SLC24A3: variants seen among roughly 807,000 people sequenced by gnomAD.
The protein encoded by SLC24A3 is sodium/potassium/calcium exchanger 3.
SLC24A3 carries 28 observed loss-of-function variants against 75.8 expected under a neutral mutation model. The ratio of observed to expected loss-of-function variants is 0.37; its 90% CI spans 0.27 to 0.51. The LOEUF (loss-of-function observed/expected upper bound fraction) is 0.51, where lower values mean the gene tolerates loss of function less well. Among genes scored for constraint, SLC24A3 ranks in the 20% least tolerant of loss-of-function variants. The pLI, the probability that SLC24A3 is intolerant of heterozygous loss-of-function variation, is 0.94. For missense variants in SLC24A3, 663 were observed against 847.8 expected (o/e 0.78, Z 2.71); for synonymous variants, 372 against 334.1 (o/e 1.11, Z -1.24).
chr20:19,292,897 T>C (rs922112631), intron 2 of SLC24A3, among the ~76,000 whole-genome samples: 2 of 152,216 alleles, frequency 1.3e-5, no homozygotes, highest in Non-Finnish European at 2.9e-5. Context: ...GCCTTCTTAC[T>C]CTGTCCTCAC....
At chr20:19,516,159 T>C (rs8184418) in intron 3 of SLC24A3, among the ~76,000 whole-genome samples, 1 of 152,216 alleles carries the variant, frequency 6.6e-6, no homozygotes, top group Non-Finnish European at 1.5e-5. Flanking sequence ...AAGCTTGTTC[T>C]GTTCCCATCT....
chr20:19,472,876 C>A (rs1482910433), intron 2 of SLC24A3, among the ~76,000 whole-genome samples: 1 of 152,236 alleles, frequency 6.6e-6, no homozygotes, highest in African/African-American at 2.4e-5. Context: ...CAGGGTTCCC[C>A]TGCGGCTGCA....
chr20:19,292,432 A>G (rs996473519), intron 2 of SLC24A3, among the ~76,000 whole-genome samples: 1 of 152,220 alleles, frequency 6.6e-6, no homozygotes, highest in Non-Finnish European at 1.5e-5. Flanking sequence ...GGCGGAAAGT[A>G]AAAATAGTCT....
intron 2 of SLC24A3, among the ~76,000 whole-genome samples, chr20:19,315,092 C>A (rs958064470): frequency 2.6e-5 from 4 of 152,190 alleles, no homozygotes; most frequent in African/African-American, 9.7e-5. Context: ...CCCATCTGCT[C>A]TGTTTCTGCT....
At chr20:19,386,651 T>C (rs879700406) in intron 2 of SLC24A3, among the ~76,000 whole-genome samples, 1 of 152,224 alleles carries the variant, frequency 6.6e-6, no homozygotes, top group African/African-American at 2.4e-5. Flanking sequence ...CAAATGCTTT[T>C]TGGCATCTAT....
chr20:19,507,924 G>A (rs139408793), intron 2 of SLC24A3, among the ~76,000 whole-genome samples: 65 of 152,314 alleles, frequency 4.3e-4, no homozygotes, highest in African/African-American at 1.5e-3. Context: ...TCCCAGCCTG[G>A]TGGGTGCTGA....
At chr20:19,490,655 G>C (rs1431520560) in intron 2 of SLC24A3, among the ~76,000 whole-genome samples, 2 of 152,182 alleles carry the variant, frequency 1.3e-5, no homozygotes. Context: ...AGACACTCTA[G>C]TGTTAAAAAA....
intron 1 of SLC24A3, among the ~76,000 whole-genome samples, chr20:19,255,470 T>A (rs1982787127): frequency 6.6e-6 from 1 of 152,244 alleles, no homozygotes; most frequent in South Asian, 2.1e-4. Context: ...TTTAGCCAGA[T>A]GGATTTCCAT....
intron 2 of SLC24A3, among the ~76,000 whole-genome samples, chr20:19,465,379 G>A (rs567060424): frequency 1.8e-5 from 2 of 110,750 alleles, no homozygotes; most frequent in Non-Finnish European, 3.8e-5. Flanking sequence ...CAGGGCTGGA[G>A]AATTTTTTTT....
At chr20:19,671,315 A>G (rs570078161) in intron 8 of SLC24A3, among the ~76,000 whole-genome samples, 96 of 152,318 alleles carry the variant, frequency 6.3e-4, no homozygotes, top group Non-Finnish European at 7.3e-4. Context: ...CAACATGGAG[A>G]CAGAAGAAAA....
intron 1 of SLC24A3, among the ~76,000 whole-genome samples, chr20:19,220,886 A>G (rs911554028): frequency 2.2e-4 from 33 of 152,192 alleles, no homozygotes; most frequent in African/African-American, 7.5e-4. Flanking sequence ...CTAAGAACCA[A>G]AGGGTTAAAG....
intron 2 of SLC24A3, among the ~76,000 whole-genome samples, chr20:19,483,458 A>G (rs1479850709): frequency 6.6e-6 from 1 of 152,172 alleles, no homozygotes. Flanking sequence ...GGGGCTGTGG[A>G]GTAATTGTGT....
intron 6 of SLC24A3, among the ~76,000 whole-genome samples, chr20:19,616,843 AC>A (rs1258754990): frequency 1.3e-5 from 2 of 152,040 alleles, no homozygotes; most frequent in African/African-American, 2.4e-5. Flanking sequence ...GCAGCTGAGA[AC>A]CCCCTTTAGG....
intron 2 of SLC24A3, among the ~76,000 whole-genome samples, chr20:19,319,917 A>G (rs575057311): frequency 6.6e-6 from 1 of 152,272 alleles, no homozygotes; most frequent in Admixed American, 6.5e-5. Flanking sequence ...GGGTTTGTCA[A>G]AGGGTGGTGG....
At chr20:19,425,296 C>T (rs1486096628) in intron 2 of SLC24A3, among the ~76,000 whole-genome samples, 1 of 116,726 alleles carries the variant, frequency 8.6e-6, no homozygotes, top group African/African-American at 3.1e-5. Flanking sequence ...GAGTGAGACT[C>T]CGTCTCAAAA....
chr20:19,299,556 C>G (rs1186972799), intron 2 of SLC24A3, among the ~76,000 whole-genome samples: 6 of 152,156 alleles, frequency 3.9e-5, no homozygotes, highest in African/African-American at 1.4e-4. Context: ...AGGCTTTACT[C>G]ACAAGGGTTC....
At chr20:19,474,828 C>T (rs1165738233) in intron 2 of SLC24A3, among the ~76,000 whole-genome samples, 1 of 152,154 alleles carries the variant, frequency 6.6e-6, no homozygotes, top group Non-Finnish European at 1.5e-5. Flanking sequence ...GAACATATTC[C>T]TCTTAACTGA....
intron 4 of SLC24A3, 98 bp from the exon 5 acceptor site, chr20:19,584,873 T>G (rs1214442877): frequency 9.3e-7 from 1 of 1,072,008 alleles, no homozygotes. Flanking sequence ...GAAGCCCCAG[T>G]CTTTGCTTCT....
At chr20:19,234,725 A>G (rs1224249563) in intron 1 of SLC24A3, among the ~76,000 whole-genome samples, 1 of 152,202 alleles carries the variant, frequency 6.6e-6, no homozygotes, top group African/African-American at 2.4e-5. Context: ...GGCCATGAGA[A>G]GAAGGTGAAC....
Sources: gnomAD v4.1 joint callset for allele counts (sites outside exome capture counted in the v4.1 genomes callset) on GRCh38, gnomAD v4.1.1 for gene constraint, MANE v1.5 for transcripts, NCBI Gene and HGNC (gene_info 2026-07-23, HGNC 2026-07-21) for gene names.